Variants in CYB5R2 observed in about 807,000 individuals in gnomAD.
CYB5R2 encodes NADH-cytochrome b5 reductase 2.
Under a neutral mutation model 29.8 loss-of-function variants are expected in CYB5R2, and 35 were observed. The ratio of observed to expected loss-of-function variants is 1.17; its 90% CI spans 0.90 to 1.56. CYB5R2 has a LOEUF of 1.56. CYB5R2 is among the 40% of genes most tolerant of loss of function. CYB5R2 has a pLI of 0.00. For missense variants in CYB5R2, 419 were observed against 346.7 expected (o/e 1.21, Z -1.66); for synonymous variants, 169 against 130.6 (o/e 1.29, Z -2.01).
intron 5 of CYB5R2, chr11:7,668,919 A>C: frequency 1.7e-6 from 1 of 595,128 alleles, no homozygotes; most frequent in Non-Finnish European, 3.0e-6. Context: ...CCCTCCATCC[A>C]TTTTTCAGTA....
rs760086038 is a variant in CYB5R2 at position 7,665,473 on chromosome 11, C to T, written c.732G>A (p.Thr244=). 94 of 1,613,790 alleles carry T rather than the reference C, an allele frequency of 5.8e-5. No individual in the cohort carries two copies. The highest frequency in any genetic ancestry group is 1.8e-4 in the East Asian group (8 of 44,888). ...GTGGCGGGCCACACACCAGGATGAG[C>T]GTGGACTTCGCTGGAGGAGGAAGGT... The part of the protein sequence containing the change: ...KEHLPPPAKS[T]LILVCGPPPL... Residue 244 remains threonine (T), a synonymous_variant, in exon 9 of 9, where the codon ACG becomes ACA. Coordinates refer to ENST00000299498, the MANE Select transcript of CYB5R2 (RefSeq NM_016229.5).
chr11:7,668,122 A>G (rs1357348065), intron 6 of CYB5R2, among the ~76,000 whole-genome samples: 6 of 152,232 alleles, frequency 3.9e-5, no homozygotes, highest in Non-Finnish European at 8.8e-5. Flanking sequence ...TGCCTGGCAC[A>G]TTGTATGTCT....
upstream of CYB5R2, chr11:7,673,913 C>G: frequency 1.0e-6 from 1 of 999,924 alleles, no homozygotes; most frequent in African/African-American, 1.7e-5. Context: ...GGCTGGCCCG[C>G]TCCCCGAGAA....
rs1250049022 is a variant in CYB5R2 at position 7,672,526 on chromosome 11, G to T, written c.79-3C>A. ...CTCCGGGTGTTGTGGCTGATTTTCT[G>T]ATAAAACAAAACATAGGCAGGTTCT... On this transcript the variant is annotated splice_polypyrimidine_tract_variant and splice_region_variant and intron_variant, in intron 2 of 8. Transcript: ENST00000299498. 4.3e-6 allele frequency: 7 copies of T among 1,614,094 alleles called. No individual in the cohort carries two copies. In the South Asian group the frequency reaches 6.6e-5, roughly 15 times the overall value.
At position 7,672,838 on chromosome 11, in the gene CYB5R2, C is replaced by G. The variant is rs371538362; in HGVS notation, c.-13G>C. 8 of 1,613,940 alleles carry G rather than the reference C, an allele frequency of 5.0e-6. No individual in the cohort carries two copies. Among genetic ancestry groups the G allele is most frequent in the Non-Finnish European group, 6.8e-6 (8 of 1,179,990 alleles). On this transcript the variant is annotated 5_prime_UTR_variant, in exon 2 of 9. Transcript: ENST00000299498. ...TCCTGGAGTTCATGCTCTTCAGGAC[C>G]AACACGAGCACAGTGACCCCAGTGA...
At chr11:7,672,670 T>C in intron 2 of CYB5R2, 78 bp downstream of exon 2, 1 of 1,577,242 alleles carries the variant, frequency 6.3e-7, no homozygotes. Context: ...CTGGAGGCCA[T>C]GAGATGACTG....
At chr11:7,673,836 C>A, upstream of CYB5R2, 1 of 987,874 alleles carries the variant, frequency 1.0e-6, no homozygotes, top group Non-Finnish European at 1.2e-6. Context: ...GGGAACCGGC[C>A]GAGACCCGGA....
chr11:7,672,377 CTG>C, intron 3 of CYB5R2, 72 bp downstream of exon 3: 2 of 1,347,956 alleles, frequency 1.5e-6, no homozygotes, highest in Non-Finnish European at 2.1e-6. Flanking sequence ...CGTGGGAAAC[CTG>C]TGTTTCTGTT....
At position 7,672,470 on chromosome 11, in the gene CYB5R2, A is replaced by G. The variant is rs778743032; in HGVS notation, c.132T>C (p.His44=). The G allele has an allele frequency of 1.2e-6, 2 of 1,614,136 alleles. No homozygotes were observed. Among genetic ancestry groups the G allele is most frequent in the East Asian group, 2.2e-5 (1 of 44,870 alleles). Residue 44 remains histidine, a synonymous_variant, in exon 3 of 9, where the codon CAT becomes CAC. Transcript: ENST00000299498. ...GCTCACCTACAGGAAGCCCTAAGAC[A>G]TGGTCCGGCGAAGGCAGTCCAAAGC... is the stretch of plus-strand genomic sequence containing the variant. ...RFRFGLPSPD[H]VLGLPVGNYV... is the part of the protein sequence containing the mutation.
chr11:7,666,721 C>A (rs1855273144), intron 7 of CYB5R2, 171 bp from the exon 8 acceptor site: 8 of 527,458 alleles, frequency 1.5e-5, no homozygotes, highest in Non-Finnish European at 2.7e-5. Flanking sequence ...GAAGCTCAAA[C>A]CCTTTGTTTT....
chr11:7,672,610 G>T, intron 2 of CYB5R2, 87 bp from the exon 3 acceptor site: 1 of 1,393,394 alleles, frequency 7.2e-7, no homozygotes, highest in Non-Finnish European at 1.0e-6. Context: ...AGGTCCGTTT[G>T]GCGCTATTCC....
At position 7,667,849 on chromosome 11, in the gene CYB5R2, T is replaced by C. The variant is rs143856521; in HGVS notation, c.473-36A>G. 100 of 1,569,442 alleles carry C rather than the reference T, an allele frequency of 6.4e-5. No homozygotes were observed. The Middle Eastern group carries it at 6.7e-4, about 10-fold the overall frequency. ...GTGAGCGAGCAGCCAGCTTTCTCCC[T>C]GTCTCTGAAGCCCACAGTCCCTGAC... On this transcript the variant is annotated intron_variant, in intron 6 of 8. Transcript: ENST00000299498.
intron 3 of CYB5R2, chr11:7,672,224 A>T (rs76900209): frequency 3.8e-6 from 2 of 521,128 alleles, no homozygotes; most frequent in Middle Eastern, 5.0e-4. Flanking sequence ...GTTCTTTTCA[A>T]TGCTCACTGA....
Position 7,672,443 on chromosome 11 carries a change from C to CG in CYB5R2, c.151+7dup. The CG allele has an allele frequency of 3.1e-6, 5 of 1,613,734 alleles. No homozygotes were observed. The highest frequency in any genetic ancestry group is 4.2e-6 in the Non-Finnish European group (5 of 1,179,662). Reference sequence around the variant, plus strand: ...CCCAGTCCTGGTGATGACCCAAGCCCGGCTCACCTACAGGAAGCCCTAAGA... The same window carrying CG: ...CCCAGTCCTGGTGATGACCCAAGCCCGGGCTCACCTACAGGAAGCCCTAAGA... On this transcript the variant is annotated splice_region_variant and intron_variant, in intron 3 of 8. Transcript: ENST00000299498.
intron 3 of CYB5R2, chr11:7,671,346 G>A (rs968819668): frequency 1.3e-5 from 2 of 152,318 alleles, no homozygotes; most frequent in Admixed American, 6.5e-5. Flanking sequence ...ACGAAGCAGC[G>A]AACTCTGAGG....
At chr11:7,674,105 A>T, upstream of CYB5R2, 1 of 1,204,578 alleles carries the variant, frequency 8.3e-7, no homozygotes, top group Non-Finnish European at 1.1e-6. Context: ...AGCGCCCCTC[A>T]GCTTACTTAA....
At chr11:7,674,188 A>G (rs1285698103), upstream of CYB5R2, 1 of 1,254,122 alleles carries the variant, frequency 8.0e-7, no homozygotes, top group Admixed American at 2.5e-5. Flanking sequence ...GAATTCAGGC[A>G]GCTGCAAAGA....
downstream of CYB5R2, chr11:7,665,095 T>C (rs1054161666): frequency 1.5e-5 from 4 of 261,870 alleles, no homozygotes; most frequent in Admixed American, 5.0e-5. Flanking sequence ...CCACACTTCA[T>C]GGGCTGTCTG....
Position 7,672,509 on chromosome 11 carries a change from G to A in CYB5R2, c.93C>T (p.Asn31=), listed in dbSNP as rs367986020. ...GCAGTCCAAAGCGGAACCTCCGGGT[G>A]TTGTGGCTGATTTTCTGATAAAACA... The part of the protein sequence containing the change: ...PLIEKEKISH[N]TRRFRFGLPS... The change falls in exon 3 of 9, where the codon AAC becomes AAT. Residue 31 remains asparagine (N), a synonymous_variant. Transcript: ENST00000299498. 1 of 1,614,102 alleles carries A rather than the reference G, an allele frequency of 6.2e-7. No homozygotes were observed. Among genetic ancestry groups the A allele is most frequent in the South Asian group, 1.1e-5 (1 of 91,092 alleles).
Sources: allele counts gnomAD v4.1 joint callset (sites outside exome capture counted in the v4.1 genomes callset), GRCh38; gene constraint gnomAD v4.1.1; transcripts MANE v1.5; gene names NCBI Gene and HGNC (gene_info 2026-07-23, HGNC 2026-07-21).